The following NAXE variants were observed in gnomAD, a reference collection of about 807,000 sequenced individuals.
NAXE encodes NAD(P)HX epimerase.
In NAXE, 25 loss-of-function variants were observed where a neutral mutation model predicts 31.2. That is an observed-to-expected ratio of 0.80 (90% CI 0.58 to 1.12). The LOEUF is 1.12. Ranked by LOEUF, NAXE falls within the 50% of genes most tolerant of loss-of-function variation. The pLI is 0.00. For synonymous variants in NAXE, 144 were observed against 154.5 expected, an observed-to-expected ratio of 0.93 and a Z score of 0.50; for missense variants, 362 against 376.1, an observed-to-expected ratio of 0.96 and a Z score of 0.31.
At chr1:156,593,623 G>A in intron 5 of NAXE, 68 bp downstream of exon 5, 1 of 1,596,252 alleles carries the variant, frequency 6.3e-7, no homozygotes, top group Non-Finnish European at 8.6e-7. Flanking sequence ...GCCCACACCA[G>A]GTCTAAAATA....
Position 156,592,055 on chromosome 1 carries a change from G to A in NAXE, c.183-46G>A, listed in dbSNP as rs777615781. ...CCTGGGACGGCCGGGCCACCTGCGC[G>A]ACAGAGAACACGAGGGGCGGGACTC... is the stretch of plus-strand genomic sequence containing the variant. On this transcript the variant is annotated intron_variant, in intron 1 of 5. Coordinates refer to ENST00000368235, the MANE Select transcript of NAXE (RefSeq NM_144772.3). 9 of 1,613,722 alleles carry A rather than the reference G, an allele frequency of 5.6e-6. No individual in the cohort carries two copies. The South Asian group carries it at 8.8e-5, about 16-fold the overall frequency.
chr1:156,591,834 C>T lies in NAXE; in HGVS notation c.30C>T (p.Leu10=), dbSNP rs1393581612. 4.4e-6 allele frequency: 7 copies of T among 1,607,850 alleles called. No individual in the cohort carries two copies. The highest frequency in any genetic ancestry group is 1.3e-5 in the African/African-American group (1 of 74,800). Residue 10 remains leucine, a synonymous_variant, in exon 1 of 6, where the codon CTC becomes CTT. Coordinates refer to ENST00000368235, the MANE Select transcript of NAXE (RefSeq NM_144772.3). ...CCAGGCTGCGGGCGCTGCTGGGCCTCGGGCTGCTGGTTGCGGGCTCGCGCG... is the reference window on the plus strand; with the variant it reads ...CCAGGCTGCGGGCGCTGCTGGGCCTTGGGCTGCTGGTTGCGGGCTCGCGCG... MSRLRALLG[L]GLLVAGSRVP...
At position 156,593,903 on chromosome 1, in the gene NAXE, A is replaced by G; in HGVS notation, c.686A>G (p.Asn229Ser). ...TCAGGATGGGACGTGGAGAAGGGAA[A>G]TGCTGGAGGGATCCAGCCAGACTTG... ...IPSGWDVEKG[N>S]AGGIQPDLLI... Residue 229 changes from asparagine to serine, a missense_variant, in exon 6 of 6, where the codon AAT (asparagine) becomes AGT (serine). Coordinates refer to ENST00000368235, the MANE Select transcript of NAXE (RefSeq NM_144772.3). The G allele has an allele frequency of 6.2e-7, 1 of 1,614,164 alleles. No individual in the cohort carries two copies. Among genetic ancestry groups the G allele is most frequent in the Non-Finnish European group, 8.5e-7 (1 of 1,180,022 alleles).
intron 4 of NAXE, chr1:156,593,192 G>C: frequency 1.8e-6 from 1 of 545,246 alleles, no homozygotes. Context: ...CCAGTGGTGG[G>C]CAGGCAGGCA....
chr1:156,591,952 G>A lies in NAXE; in HGVS notation c.148G>A (p.Glu50Lys), dbSNP rs1466156042. Reference sequence around the variant, plus strand: ...GAACTCGGGTGGCCGCTGGGACTCAGAGGTCATGGCGAGCACGGTGGTGAA... The same window carrying A: ...GAACTCGGGTGGCCGCTGGGACTCAAAGGTCATGGCGAGCACGGTGGTGAA... Reference protein sequence around the residue: ...RLNSGGRWDSEVMASTVVKYL... With the variant: ...RLNSGGRWDSKVMASTVVKYL... The change falls in exon 1 of 6, where the codon GAG becomes AAG. Residue 50 changes from glutamate to lysine, a missense_variant. Transcript: ENST00000368235. 2 of 1,613,062 alleles carry A rather than the reference G, an allele frequency of 1.2e-6. No individual in the cohort carries two copies. The highest frequency in any genetic ancestry group is 1.7e-5 in the Admixed American group (1 of 59,988).
chr1:156,594,150 C>A lies in NAXE; in HGVS notation c.*66C>A. 6.5e-7 allele frequency: 1 copy of A among 1,528,156 alleles called. No individual in the cohort carries two copies. The highest frequency in any genetic ancestry group is 9.0e-7 in the Non-Finnish European group (1 of 1,110,594). The allele number at this position is 1,528,156 out of a possible 1,614,324, so 94.7% of individuals were successfully genotyped here. A position where few individuals can be genotyped will look rare whatever the true frequency, so the allele number is the denominator to read the frequency against. On this transcript the variant is annotated 3_prime_UTR_variant, in exon 6 of 6. Coordinates refer to ENST00000368235, the MANE Select transcript of NAXE (RefSeq NM_144772.3). ...CCCCTCTCTTCCAGAACTGTGGATT[C>A]CTGGGAGCTCCTCTGGCAATAAAAG...
rs377658325 is a variant in NAXE at position 156,592,159 on chromosome 1, G to C, written c.241G>C (p.Asp81His). Residue 81 changes from aspartate to histidine, a missense_variant, in exon 2 of 6, where the codon GAC (aspartate) becomes CAC (histidine). Transcript: ENST00000368235. Reference sequence around the variant, plus strand: ...ATTTAACGAATACCAGTTCAGCGTGGACCAACTTATGGAACTGGCCGGGCT... The same window carrying C: ...ATTTAACGAATACCAGTTCAGCGTGCACCAACTTATGGAACTGGCCGGGCT... Reference protein sequence around the residue: ...ELFNEYQFSVDQLMELAGLSC... With the variant: ...ELFNEYQFSVHQLMELAGLSC... The C allele has an allele frequency of 6.8e-6, 11 of 1,614,106 alleles. No individual in the cohort carries two copies. The highest frequency in any genetic ancestry group is 8.5e-6 in the Non-Finnish European group (10 of 1,180,052).
In NAXE at chr1:156,593,956, T is replaced by C; in HGVS notation, c.739T>C (p.Ser247Pro). The change falls in exon 6 of 6, where the codon TCT becomes CCT. Residue 247 changes from serine (S) to proline (P), a missense_variant. Ser to Pro is a moderately conservative substitution (Grantham distance 74). Coordinates refer to ENST00000368235, the MANE Select transcript of NAXE (RefSeq NM_144772.3). ...LLISLTAPKKSATQFTGRYHY... is the reference protein window; with the variant it reads ...LLISLTAPKKPATQFTGRYHY... Reference sequence around the variant, plus strand: ...CATATCCCTCACAGCCCCCAAAAAATCTGCAACCCAGTTTACCGGTCGCTA... The same window carrying C: ...CATATCCCTCACAGCCCCCAAAAAACCTGCAACCCAGTTTACCGGTCGCTA... 2 of 1,614,118 alleles carry C rather than the reference T, an allele frequency of 1.2e-6. No individual in the cohort carries two copies. The highest frequency in any genetic ancestry group is 1.7e-6 in the Non-Finnish European group (2 of 1,180,002).
In NAXE at chr1:156,591,968, CGGT is replaced by C. The variant is rs778066322; in HGVS notation, c.169_171del (p.Val57del). 2.0e-5 allele frequency: 33 copies of C among 1,613,206 alleles called. No homozygotes were observed. The East Asian group carries it at 6.9e-4, about 34-fold the overall frequency. On this transcript the variant is annotated inframe_deletion, in exon 1 of 6. Coordinates refer to ENST00000368235, the MANE Select transcript of NAXE (RefSeq NM_144772.3). ...TGGGACTCAGAGGTCATGGCGAGCA[CGGT>C]GGTGAAGTACCTGAGGTAGGCACGG...
rs114751440 is a variant in NAXE, at chr1:156,593,612, T to G, written c.664+57T>G. The G allele has an allele frequency of 7.1e-3, 11,432 of 1,606,982 alleles. 715 individuals carry two copies. The African/African-American group carries it at 0.13, about 19-fold the overall frequency. On this transcript the variant is annotated intron_variant, in intron 5 of 5. Transcript: ENST00000368235. The stretch of plus-strand genomic sequence containing the variant: ...ATTGGGGCCCTACCCTCCTGACTCT[T>G]GCCCACACCAGGTCTAAAATAATTT...
At chr1:156,592,250 G>A (rs763513248) in intron 2 of NAXE, 41 bp downstream of exon 2, 6 of 1,610,718 alleles carry the variant, frequency 3.7e-6, no homozygotes, top group Non-Finnish European at 5.1e-6. Flanking sequence ...CAGCCAGGGA[G>A]GAGTCACTGT....
Position 156,591,902 on chromosome 1 carries a change from C to T in NAXE, c.98C>T (p.Pro33Leu). ...KSQTIACRSG[P>L]TWWGPQRLNS... Reference sequence around the variant, plus strand: ...CAGACCATCGCCTGTCGCTCGGGACCCACCTGGTGGGGACCGCAGCGGCTG... The same window carrying T: ...CAGACCATCGCCTGTCGCTCGGGACTCACCTGGTGGGGACCGCAGCGGCTG... Residue 33 changes from proline (P) to leucine (L), a missense_variant, in exon 1 of 6, where the codon CCC becomes CTC. By Grantham distance (98) the Pro-to-Leu change is moderately conservative (BLOSUM62 -3). Coordinates refer to ENST00000368235, the MANE Select transcript of NAXE (RefSeq NM_144772.3). 6.2e-7 allele frequency: 1 copy of T among 1,612,632 alleles called. No homozygotes were observed. Among genetic ancestry groups the T allele is most frequent in the Middle Eastern group, 1.7e-4 (1 of 6,058 alleles).
Position 156,592,477 on chromosome 1 carries a change from T to A in NAXE, c.402+2T>A. 1 of 1,613,554 alleles carries A rather than the reference T, an allele frequency of 6.2e-7. No individual in the cohort carries two copies. Among genetic ancestry groups the A allele is most frequent in the Non-Finnish European group, 8.5e-7 (1 of 1,179,662 alleles). On this transcript the variant is annotated splice_donor_variant, in intron 3 of 5. Transcript: ENST00000368235. LOFTEE classifies it high-confidence loss of function. ...TGTGCTCGACACCTCAAACTCTTTG[T>A]GAGTATGTGGGGAGGGGCTGTGGGG...
rs1307110710 is a variant in NAXE at position 156,593,874 on chromosome 1, C to T, written c.665-8C>T. The T allele has an allele frequency of 1.2e-6, 2 of 1,613,646 alleles. No individual in the cohort carries two copies. Among genetic ancestry groups the T allele is most frequent in the South Asian group, 2.2e-5 (2 of 91,050 alleles). ...CTGGCCTCTTCCTGAACACCACCCT[C>T]TTTTCAGGATGGGACGTGGAGAAGG... On this transcript the variant is annotated splice_polypyrimidine_tract_variant and splice_region_variant and intron_variant, in intron 5 of 5. Transcript: ENST00000368235.
chr1:156,593,626 CT>C, intron 5 of NAXE, 71 bp downstream of exon 5: 2 of 1,593,780 alleles, frequency 1.3e-6, no homozygotes, highest in Non-Finnish European at 1.7e-6. Flanking sequence ...CACACCAGGT[CT>C]AAAATAATTT....
At chr1:156,593,801 ACTC>A in intron 5 of NAXE, 78 bp from the exon 6 acceptor site, 1 of 1,500,230 alleles carries the variant, frequency 6.7e-7, no homozygotes, top group African/African-American at 1.4e-5. Context: ...GGGACTTCCC[ACTC>A]CTCTGGGACT....
At position 156,592,388 on chromosome 1, in the gene NAXE, C is replaced by T. The variant is rs1477223839; in HGVS notation, c.315C>T (p.Ser105=). 1 of 1,614,060 alleles carries T rather than the reference C, an allele frequency of 6.2e-7. No individual in the cohort carries two copies. Among genetic ancestry groups the T allele is most frequent in the Non-Finnish European group, 8.5e-7 (1 of 1,180,032 alleles). The change falls in exon 3 of 6, where the codon TCC becomes TCT. Residue 105 remains serine, a synonymous_variant. Coordinates refer to ENST00000368235, the MANE Select transcript of NAXE (RefSeq NM_144772.3). ...IAKAYPPTSM[S]RSPPTVLVIC... ...AGGCATATCCCCCCACGTCCATGTC[C>T]AGGAGCCCCCCTACTGTCCTGGTCA... is the stretch of plus-strand genomic sequence containing the variant.
chr1:156,592,053 G>T, intron 1 of NAXE, 48 bp from the exon 2 acceptor site: 1 of 1,613,800 alleles, frequency 6.2e-7, no homozygotes, highest in Middle Eastern at 1.6e-4. Context: ...GGCCACCTGC[G>T]CGACAGAGAA....
rs761570437 is a variant in NAXE, at chr1:156,593,932, A to G, written c.715A>G (p.Ile239Val). The G allele has an allele frequency of 1.7e-5, 28 of 1,614,038 alleles. No homozygotes were observed. Among genetic ancestry groups the G allele is most frequent in the Non-Finnish European group, 2.4e-5 (28 of 1,180,026 alleles). ...NAGGIQPDLLISLTAPKKSAT... is the reference protein window; with the variant it reads ...NAGGIQPDLLVSLTAPKKSAT... Reference sequence around the variant, plus strand: ...TGGAGGGATCCAGCCAGACTTGCTCATATCCCTCACAGCCCCCAAAAAATC... The same window carrying G: ...TGGAGGGATCCAGCCAGACTTGCTCGTATCCCTCACAGCCCCCAAAAAATC... Residue 239 changes from isoleucine to valine, a missense_variant, in exon 6 of 6, where the codon ATA becomes GTA. Transcript: ENST00000368235.
Sources: allele counts gnomAD v4.1 joint callset, GRCh38; gene constraint gnomAD v4.1.1; transcripts MANE v1.5; gene names NCBI Gene and HGNC (gene_info 2026-07-23, HGNC 2026-07-21).